Variants in ATXN10 observed in about 807,000 individuals in gnomAD.
ATXN10 encodes ataxin-10.
Under a neutral mutation model 52.9 loss-of-function variants are expected in ATXN10, and 28 were observed. The ratio of observed to expected loss-of-function variants is 0.53; its 90% CI spans 0.39 to 0.73. ATXN10 has a LOEUF of 0.73. Ranked by LOEUF, ATXN10 falls within the 30% of genes least tolerant of loss-of-function variation. The probability of loss-of-function intolerance (pLI) is 0.00; values close to 1 mark genes in which losing one functional copy is unlikely to be tolerated. For missense variants in ATXN10, 565 were observed against 577.0 expected (o/e 0.98, Z 0.21); for synonymous variants, 226 against 221.5 (o/e 1.02, Z -0.18).
At chr22:45,694,848 G>A (rs945929745) in intron 3 of ATXN10, among the ~76,000 whole-genome samples, 2 of 148,014 alleles carry the variant, frequency 1.4e-5, no homozygotes, top group African/African-American at 5.0e-5. Context: ...GGCTGAGGTA[G>A]GAAGATTGCT....
chr22:45,782,736 T>C (rs1927193080), intron 9 of ATXN10, among the ~76,000 whole-genome samples: 1 of 152,202 alleles, frequency 6.6e-6, no homozygotes, highest in Non-Finnish European at 1.5e-5. Flanking sequence ...CACGTAAGAT[T>C]TGTGCACTTT....
rs1177259156 is a variant in ATXN10 at position 45,825,121 on chromosome 22, G to T, written c.1238-17870G>T. ...GCAAGCAGCTTGTGGGAGCCAGGTA[G>T]GGTGGGCCAAAAAGACCCTGACATG... On this transcript the variant is annotated intron_variant, in intron 10 of 11. Transcript: ENST00000252934. This position sits in a 1 kb window ranked among gnomAD's most constrained non-coding sequence, Gnocchi z 4.5. Among the ~76,000 whole-genome samples, 3 of 152,182 alleles carry T rather than the reference G, an allele frequency of 2.0e-5. No homozygotes were observed.
Position 45,684,151 on chromosome 22 carries a change from T to G in ATXN10, c.117-5561T>G, listed in dbSNP as rs1298336048. ...CAAGTTTTTTTGTTTTTTTTTTTTTTGTAGAGATAGGGTCTTGCTATGTTA... is the reference window on the plus strand; with the variant it reads ...CAAGTTTTTTTGTTTTTTTTTTTTTGGTAGAGATAGGGTCTTGCTATGTTA... On this transcript the variant is annotated intron_variant, in intron 1 of 11. Coordinates refer to ENST00000252934, the MANE Select transcript of ATXN10 (RefSeq NM_013236.4). This position sits in a 1 kb window ranked among gnomAD's most constrained non-coding sequence, Gnocchi z 4.1. Among the ~76,000 whole-genome samples, 1 of 129,848 alleles carries G rather than the reference T, an allele frequency of 7.7e-6. No individual in the cohort carries two copies. The highest frequency in any genetic ancestry group is 2.9e-5 in the African/African-American group (1 of 34,356). The allele number at this position is 129,848 out of a possible 152,430, so 85.2% of individuals were successfully genotyped here.
At chr22:45,827,129 C>CCACACA (rs57068887) in intron 10 of ATXN10, among the ~76,000 whole-genome samples, 57 of 146,714 alleles carry the variant, frequency 3.9e-4, no homozygotes, top group Admixed American at 1.4e-3. Context: ...CCCATGGTAA[C>CCACACA]CACACACACA....
chr22:45,727,331 A>ATATCTATCTATCTATCTATC lies in ATXN10; in HGVS notation c.729-2068_729-2049dup, dbSNP rs71315146. ...GTTCTGTCTGTCTGTCTATCTATCTATATCTATCTATCTATCTATCTATCT... is the reference window on the plus strand; with the variant it reads ...GTTCTGTCTGTCTGTCTATCTATCTATATCTATCTATCTATCTATCTATCTATCTATCTATCTATCTATCT... On this transcript the variant is annotated intron_variant, in intron 6 of 11. Transcript: ENST00000252934. The surrounding 1 kb of genome is among the most constrained non-coding windows in gnomAD (Gnocchi z 4.6). Among the ~76,000 whole-genome samples, 97 of 146,794 alleles carry ATATCTATCTATCTATCTATC rather than the reference A, an allele frequency of 6.6e-4. No individual in the cohort carries two copies. The highest frequency in any genetic ancestry group is 1.6e-3 in the East Asian group (8 of 4,916).
At chr22:45,694,899 C>T (rs1025600129) in intron 3 of ATXN10, among the ~76,000 whole-genome samples, 4 of 142,604 alleles carry the variant, frequency 2.8e-5, no homozygotes, top group Non-Finnish European at 6.0e-5. Context: ...TGAGATCACG[C>T]CGCTGCACTC....
intron 3 of ATXN10, among the ~76,000 whole-genome samples, chr22:45,699,234 G>T (rs956207620): frequency 2.0e-5 from 3 of 152,096 alleles, no homozygotes; most frequent in African/African-American, 7.2e-5. Context: ...TTGATAAGCT[G>T]TTTGGTAAAG....
At position 45,702,083 on chromosome 22, in the gene ATXN10, A is replaced by T. The variant is rs370125766; in HGVS notation, c.489-606A>T. On this transcript the variant is annotated intron_variant, in intron 4 of 11. Transcript: ENST00000252934. ...GCCAAGTGAAGCTAACAAATTCTTT[A>T]TCTGAAATAGATGAATAATACCTCC... 2.0e-5 allele frequency among the ~76,000 whole-genome samples: 3 copies of T among 152,298 alleles called. No individual in the cohort carries two copies. The East Asian group carries it at 5.8e-4, about 29-fold the overall frequency.
chr22:45,780,117 T>C lies in ATXN10; in HGVS notation c.1174-26842T>C, dbSNP rs940619268. On this transcript the variant is annotated intron_variant, in intron 9 of 11. Transcript: ENST00000252934. This position sits in a 1 kb window ranked among gnomAD's most constrained non-coding sequence, Gnocchi z 4.0. ...TTTTTTTTTTGAGACGGAGTCTCGT[T>C]GTGTCACCCAGGCTGGAGTGCAGTG... Among the ~76,000 whole-genome samples, 32 of 151,698 alleles carry C rather than the reference T, an allele frequency of 2.1e-4. No individual in the cohort carries two copies. Among genetic ancestry groups the C allele is most frequent in the African/African-American group, 7.7e-4 (32 of 41,312 alleles).
intron 9 of ATXN10, among the ~76,000 whole-genome samples, chr22:45,758,117 T>C (rs1403209917): frequency 2.0e-5 from 3 of 152,214 alleles, no homozygotes; most frequent in Non-Finnish European, 4.4e-5. Flanking sequence ...CTCCACACCC[T>C]GCCCCTGCCA....
chr22:45,691,304 C>T (rs990666470), intron 2 of ATXN10, among the ~76,000 whole-genome samples: 2 of 152,176 alleles, frequency 1.3e-5, no homozygotes, highest in African/African-American at 2.4e-5. Flanking sequence ...GCAGATACAC[C>T]TTTGTGCTTG....
chr22:45,699,746 G>A (rs1411339713), intron 3 of ATXN10, among the ~76,000 whole-genome samples: 3 of 151,104 alleles, frequency 2.0e-5, no homozygotes, highest in Non-Finnish European at 2.9e-5. Flanking sequence ...CACCCCCCTC[G>A]TCTTCCCAGA....
In ATXN10 at chr22:45,780,190, T is replaced by G. The variant is rs1250461611; in HGVS notation, c.1174-26769T>G. On this transcript the variant is annotated intron_variant, in intron 9 of 11. Transcript: ENST00000252934. The surrounding 1 kb of genome is among the most constrained non-coding windows in gnomAD (Gnocchi z 4.0). Reference sequence around the variant, plus strand: ...CCTCCACCTCCCAGGTTCAAGCGATTACCCTGCTTCAGCCTCCTGAGTAGC... The same window carrying G: ...CCTCCACCTCCCAGGTTCAAGCGATGACCCTGCTTCAGCCTCCTGAGTAGC... Among the ~76,000 whole-genome samples, 12 of 152,160 alleles carry G rather than the reference T, an allele frequency of 7.9e-5. No individual in the cohort carries two copies.
intron 10 of ATXN10, among the ~76,000 whole-genome samples, chr22:45,821,489 G>T (rs1330042356): frequency 6.6e-6 from 1 of 152,098 alleles, no homozygotes; most frequent in Non-Finnish European, 1.5e-5. Context: ...GGTTTCTGAT[G>T]CAGAAAAAGC....
chr22:45,700,177 A>G, intron 3 of ATXN10, 105 bp from the exon 4 acceptor site: 1 of 857,824 alleles, frequency 1.2e-6, no homozygotes, highest in African/African-American at 1.7e-5. Context: ...AAAAGAAGCA[A>G]GCAGAAACTT....
Position 45,712,224 on chromosome 22 carries a change from G to A in ATXN10, c.648-6189G>A, listed in dbSNP as rs1924277236. ...TTTGGGCCCACTCTTGAAGGAAAAA[G>A]CTACCAGGTTTGGGCTCATTCTTGA... is the stretch of plus-strand genomic sequence containing the variant. On this transcript the variant is annotated intron_variant, in intron 5 of 11. Coordinates refer to ENST00000252934, the MANE Select transcript of ATXN10 (RefSeq NM_013236.4). This position sits in a 1 kb window ranked among gnomAD's most constrained non-coding sequence, Gnocchi z 4.6. Among the ~76,000 whole-genome samples the A allele has an allele frequency of 2.0e-5, 3 of 152,216 alleles. No homozygotes were observed. In the South Asian group the frequency reaches 6.2e-4, roughly 32 times the overall value.
chr22:45,736,890 A>G (rs1480528297), intron 7 of ATXN10, among the ~76,000 whole-genome samples: 1 of 152,176 alleles, frequency 6.6e-6, no homozygotes, highest in Non-Finnish European at 1.5e-5. Context: ...AAATGGTGGC[A>G]TTTTAACATT....
Position 45,820,353 on chromosome 22 carries a change from G to T in ATXN10, c.1237+13331G>T, listed in dbSNP as rs2146899334. On this transcript the variant is annotated intron_variant, in intron 10 of 11. Coordinates refer to ENST00000252934, the MANE Select transcript of ATXN10 (RefSeq NM_013236.4). The surrounding 1 kb of genome is among the most constrained non-coding windows in gnomAD (Gnocchi z 4.9). ...GTGATAATACAGGACAGAACGCTAAGGGGTGGTAGAAGAAAGGATGGCCTA... is the reference window on the plus strand; with the variant it reads ...GTGATAATACAGGACAGAACGCTAATGGGTGGTAGAAGAAAGGATGGCCTA... 1.3e-5 allele frequency among the ~76,000 whole-genome samples: 2 copies of T among 152,322 alleles called. No homozygotes were observed. The highest frequency in any genetic ancestry group is 3.9e-4 in the East Asian group (2 of 5,172).
chr22:45,697,607 C>A (rs1159976413), intron 3 of ATXN10, among the ~76,000 whole-genome samples: 1 of 151,978 alleles, frequency 6.6e-6, no homozygotes, highest in Non-Finnish European at 1.5e-5. Flanking sequence ...TGTCTTACTC[C>A]TTTCACTTAG....
Sources: gnomAD v4.1 joint callset for allele counts (sites outside exome capture counted in the v4.1 genomes callset) on GRCh38, gnomAD v4.1.1 for gene constraint, Gnocchi (gnomAD v3.1) non-coding constraint, MANE v1.5 for transcripts, NCBI Gene and HGNC (gene_info 2026-07-23, HGNC 2026-07-21) for gene names.